ZNRF3: variants seen among roughly 807,000 people sequenced by gnomAD.
ZNRF3 encodes zinc and ring finger 3.
Under a neutral mutation model 72.5 loss-of-function variants are expected in ZNRF3, and 23 were observed. The observed-to-expected ratio is 0.32, with a 90% CI of 0.23 to 0.45. ZNRF3 has a LOEUF of 0.45. Among genes scored for constraint, ZNRF3 ranks in the 20% least tolerant of loss-of-function variants. The probability of loss-of-function intolerance (pLI) is 1.00; values close to 1 mark genes in which losing one functional copy is unlikely to be tolerated. For synonymous variants in ZNRF3, 610 were observed against 545.3 expected (o/e 1.12, Z -1.65); for missense variants, 1,169 against 1,272.1 (o/e 0.92, Z 1.23).
intron 1 of ZNRF3, among the ~76,000 whole-genome samples, chr22:28,893,035 C>CG (rs1270348096): frequency 6.6e-6 from 1 of 151,936 alleles, no homozygotes; most frequent in Non-Finnish European, 1.5e-5. Context: ...GGCGTGGTGG[C>CG]GGGCGCCTGT....
chr22:28,965,140 C>G (rs1024089352), intron 1 of ZNRF3, among the ~76,000 whole-genome samples: 3 of 152,208 alleles, frequency 2.0e-5, no homozygotes, highest in Non-Finnish European at 4.4e-5. Flanking sequence ...CCACCTGGCT[C>G]AGCCATCCTA....
intron 2 of ZNRF3, among the ~76,000 whole-genome samples, chr22:28,996,577 C>G (rs1423175286): frequency 6.6e-6 from 1 of 152,142 alleles, no homozygotes; most frequent in African/African-American, 2.4e-5. Context: ...AGAAACCCTT[C>G]TATAAAATCA....
intron 1 of ZNRF3, among the ~76,000 whole-genome samples, chr22:28,914,290 G>A (rs2034369523): frequency 6.6e-6 from 1 of 152,212 alleles, no homozygotes; most frequent in East Asian, 1.9e-4. Flanking sequence ...GAGTTGAATG[G>A]AAGTGCATTT....
chr22:28,929,577 T>C (rs1377615687), intron 1 of ZNRF3, among the ~76,000 whole-genome samples: 1 of 152,236 alleles, frequency 6.6e-6, no homozygotes, highest in Admixed American at 6.5e-5. Flanking sequence ...ATTGACTGTG[T>C]TACTGATAAA....
At chr22:29,053,547 C>G (rs780325530) in intron 8 of ZNRF3, 32 bp from the exon 9 acceptor site, 2 of 1,612,252 alleles carry the variant, frequency 1.2e-6, no homozygotes, top group Admixed American at 1.7e-5. Context: ...TGCCAGCTCC[C>G]TCCCCTGATG....
At chr22:29,037,389 A>C (rs959590596) in intron 2 of ZNRF3, among the ~76,000 whole-genome samples, 1 of 152,232 alleles carries the variant, frequency 6.6e-6, no homozygotes, top group East Asian at 1.9e-4. Context: ...TTTGCACTGG[A>C]ACATTCTAGA....
chr22:29,005,698 G>T (rs1193083569), intron 2 of ZNRF3, among the ~76,000 whole-genome samples: 3 of 152,164 alleles, frequency 2.0e-5, no homozygotes, highest in Non-Finnish European at 4.4e-5. Flanking sequence ...TAATGCAGGG[G>T]AATGAAGCCT....
rs1364584503 is a variant in ZNRF3, at chr22:28,883,739, G to T, written c.-28G>T. 4.9e-6 allele frequency: 4 copies of T among 818,538 alleles called. No individual in the cohort carries two copies. Among genetic ancestry groups the T allele is most frequent in the Non-Finnish European group, 4.4e-6 (3 of 682,386 alleles). The allele number at this position is 818,538 out of a possible 1,614,324, so 50.7% of individuals were successfully genotyped here. A position where few individuals can be genotyped will look rare whatever the true frequency, so the allele number is the denominator to read the frequency against. On this transcript the variant is annotated 5_prime_UTR_variant, in exon 1 of 9. Coordinates refer to ENST00000544604, the MANE Select transcript of ZNRF3 (RefSeq NM_001206998.2). This position sits in a 1 kb window ranked among gnomAD's most constrained non-coding sequence, Gnocchi z 5.5. ...CCCGCGACTATGCCCGGCCGCGCCC[G>T]CCCTCCGCGCCCTCCCGCCGCAGGA...
chr22:28,939,794 G>A (rs911435452), intron 1 of ZNRF3, among the ~76,000 whole-genome samples: 1 of 152,072 alleles, frequency 6.6e-6, no homozygotes, highest in Non-Finnish European at 1.5e-5. Flanking sequence ...CAAGTCAGGT[G>A]GAGCTTACAT....
chr22:29,024,722 G>C (rs1323758744), intron 2 of ZNRF3, among the ~76,000 whole-genome samples: 3 of 152,042 alleles, frequency 2.0e-5, no homozygotes, highest in Non-Finnish European at 2.9e-5. Flanking sequence ...TGAATATTTT[G>C]TCTGGAAGCA....
chr22:28,939,342 TTAAA>T (rs1275110134), intron 1 of ZNRF3, among the ~76,000 whole-genome samples: 2 of 151,906 alleles, frequency 1.3e-5, no homozygotes, highest in East Asian at 1.9e-4. Context: ...AGGGTTAAGA[TTAAA>T]TAAATACATA....
chr22:28,961,323 C>T (rs1289384162), intron 1 of ZNRF3, among the ~76,000 whole-genome samples: 1 of 152,216 alleles, frequency 6.6e-6, no homozygotes, highest in Non-Finnish European at 1.5e-5. Context: ...CAAACCATAG[C>T]ACATGCATTA....
chr22:28,946,449 TGTC>T (rs1402265872), intron 1 of ZNRF3, among the ~76,000 whole-genome samples: 1 of 152,268 alleles, frequency 6.6e-6, no homozygotes, highest in East Asian at 1.9e-4. Flanking sequence ...TACAATAATG[TGTC>T]ATCCTTCTGT....
intron 2 of ZNRF3, among the ~76,000 whole-genome samples, chr22:29,013,889 C>T (rs760932818): frequency 4.3e-4 from 65 of 152,132 alleles, no homozygotes; most frequent in Non-Finnish European, 7.6e-4. Flanking sequence ...ATGGGGCAGG[C>T]GTGGAGGCCT....
chr22:29,049,226 G>T lies in ZNRF3; in HGVS notation c.1045G>T (p.Val349Leu), dbSNP rs1418880297. 1.2e-6 allele frequency: 2 copies of T among 1,610,666 alleles called. No homozygotes were observed. The highest frequency in any genetic ancestry group is 2.2e-5 in the East Asian group (1 of 44,860). The change falls in exon 8 of 9, where the codon GTG (valine) becomes TTG (leucine). Residue 349 changes from valine (V) to leucine (L), a missense_variant. Val to Leu is a conservative substitution (Grantham distance 32). Transcript: ENST00000544604. This position sits in a 1 kb window ranked among gnomAD's most constrained non-coding sequence, Gnocchi z 5.2. ...EQKGNPSAVC[V>L]ETSNLSRGRQ... The stretch of plus-strand genomic sequence containing the variant: ...AAAGGGAAACCCAAGCGCGGTGTGT[G>T]TGGAGACCAGCAACCTCTCACGTGG...
intron 1 of ZNRF3, among the ~76,000 whole-genome samples, chr22:28,949,387 A>T (rs749325483): frequency 2.0e-4 from 30 of 151,778 alleles, no homozygotes; most frequent in Non-Finnish European, 3.4e-4. Flanking sequence ...TGATCCTTCC[A>T]CCTCAGCCTC....
chr22:29,008,099 G>T (rs1313584163), intron 2 of ZNRF3, among the ~76,000 whole-genome samples: 1 of 152,104 alleles, frequency 6.6e-6, no homozygotes, highest in Non-Finnish European at 1.5e-5. Context: ...ACCTGAAATT[G>T]TACCTCTCTC....
At chr22:28,997,483 C>T (rs1893190539) in intron 2 of ZNRF3, among the ~76,000 whole-genome samples, 1 of 152,048 alleles carries the variant, frequency 6.6e-6, no homozygotes, top group Non-Finnish European at 1.5e-5. Flanking sequence ...GCCCCATTGC[C>T]TGCCATGAAC....
At chr22:29,040,863 G>T (rs1296103011) in intron 2 of ZNRF3, among the ~76,000 whole-genome samples, 1 of 152,216 alleles carries the variant, frequency 6.6e-6, no homozygotes, top group East Asian at 1.9e-4. Context: ...GGGTGAGACT[G>T]CCCTCTAGTG....
Sources: allele counts gnomAD v4.1 joint callset (sites outside exome capture counted in the v4.1 genomes callset), GRCh38; gene constraint gnomAD v4.1.1; non-coding constraint Gnocchi (gnomAD v3.1); transcripts MANE v1.5; gene names NCBI Gene and HGNC (gene_info 2026-07-23, HGNC 2026-07-21).